The following AEBP1 variants were observed in gnomAD, a reference collection of about 807,000 sequenced individuals.
AEBP1 encodes adipocyte enhancer-binding protein 1.
Under a neutral mutation model 116.5 loss-of-function variants are expected in AEBP1, and 69 were observed. That is an observed-to-expected ratio of 0.59 (90% CI 0.49 to 0.72). AEBP1 has a LOEUF of 0.72. AEBP1 is among the 30% of genes least tolerant of loss of function. The probability of loss-of-function intolerance (pLI) is 0.00; values close to 1 mark genes in which losing one functional copy is unlikely to be tolerated. For missense variants in AEBP1, 1,444 were observed against 1,557.5 expected (o/e 0.93, Z 1.23); for synonymous variants, 627 against 627.3 (o/e 1.00, Z 0.01).
rs372902094 is a variant in AEBP1 at position 44,107,407 on chromosome 7, G to A, written c.596-32G>A. ...CCAAGGTGGTCAGAGCAGGCCTCCC[G>A]CCCACCTGCTTCTGGAACTCCTGTG... On this transcript the variant is annotated intron_variant, in intron 2 of 20. Transcript: ENST00000223357. The surrounding 1 kb of genome is among the most constrained non-coding windows in gnomAD (Gnocchi z 4.3). 2.4e-5 allele frequency: 38 copies of A among 1,611,096 alleles called. No homozygotes were observed. Among genetic ancestry groups the A allele is most frequent in the Non-Finnish European group, 3.0e-5 (35 of 1,178,410 alleles).
At chr7:44,105,359 T>G (rs2096221911) in intron 1 of AEBP1, among the ~76,000 whole-genome samples, 1 of 152,062 alleles carries the variant, frequency 6.6e-6, no homozygotes, top group Non-Finnish European at 1.5e-5. Flanking sequence ...TGAGAGAGTT[T>G]CAGGTGGTGG....
In AEBP1 at chr7:44,113,603, G is replaced by A; in HGVS notation, c.2819G>A (p.Gly940Asp). 4 of 1,611,068 alleles carry A rather than the reference G, an allele frequency of 2.5e-6. No homozygotes were observed. The highest frequency in any genetic ancestry group is 3.4e-6 in the Non-Finnish European group (4 of 1,179,418). Residue 940 changes from glycine to aspartate, a missense_variant, in exon 21 of 21, where the codon GGT becomes GAT. Coordinates refer to ENST00000223357, the MANE Select transcript of AEBP1 (RefSeq NM_001129.5). The surrounding 1 kb of genome is among the most constrained non-coding windows in gnomAD (Gnocchi z 5.3). ...CGTTCTCCCTCCGCAGCCAGTGGTG[G>A]TGATTACTGGCGAATCTTGAACCCG... ...INHGVKTASGGDYWRILNPGE... is the reference protein window; with the variant it reads ...INHGVKTASGDDYWRILNPGE...
rs116217830 is a variant in AEBP1, at chr7:44,107,302, C to T, written c.596-137C>T. On this transcript the variant is annotated intron_variant, in intron 2 of 20. Coordinates refer to ENST00000223357, the MANE Select transcript of AEBP1 (RefSeq NM_001129.5). This position sits in a 1 kb window ranked among gnomAD's most constrained non-coding sequence, Gnocchi z 4.3. The stretch of plus-strand genomic sequence containing the variant: ...TGCTGAAGGCCAGAGGAGCTCAGGC[C>T]TCCTTGGAGTGAGCTCGGCCTCAGG... The T allele has an allele frequency of 1.9e-3, 1,585 of 824,424 alleles. 16 individuals carry two copies. In the African/African-American group the frequency reaches 0.021, roughly 11 times the overall value. 51.1% of individuals were successfully genotyped at this position (824,424 alleles called of 1,614,324 possible). A position where few individuals can be genotyped will look rare whatever the true frequency, so the allele number is the denominator to read the frequency against.
intron 2 of AEBP1, 61 bp downstream of exon 2, chr7:44,106,948 G>A: frequency 7.5e-7 from 1 of 1,326,956 alleles, no homozygotes; most frequent in Non-Finnish European, 1.0e-6. Flanking sequence ...TGGAGGCAGG[G>A]AGTGGGAGGC....
In AEBP1 at chr7:44,112,808, A is replaced by C. The variant is rs1583555477; in HGVS notation, c.2468A>C (p.His823Pro). 1.9e-6 allele frequency: 3 copies of C among 1,612,286 alleles called. No homozygotes were observed. The highest frequency in any genetic ancestry group is 2.7e-5 in the African/African-American group (2 of 74,992). ...RWLAISFASA[H>P]LTLTEPYRGG... ...CTTGCCATCTCCTTCGCCTCCGCAC[A>C]CCTCACCTTGACCGAGCCCTACCGC... Residue 823 changes from histidine to proline, a missense_variant, in exon 18 of 21, where the codon CAC (histidine) becomes CCC (proline). Transcript: ENST00000223357. This position sits in a 1 kb window ranked among gnomAD's most constrained non-coding sequence, Gnocchi z 6.6.
chr7:44,111,944 G>C lies in AEBP1; in HGVS notation c.1931G>C (p.Arg644Pro), dbSNP rs375474488. The C allele has an allele frequency of 6.2e-7, 1 of 1,613,776 alleles. No homozygotes were observed. The highest frequency in any genetic ancestry group is 8.5e-7 in the Non-Finnish European group (1 of 1,180,040). Residue 644 changes from arginine (R) to proline (P), a missense_variant, in exon 16 of 21, where the codon CGA becomes CCA. Arg to Pro is a moderately radical substitution (Grantham distance 103). Transcript: ENST00000223357. This position sits in a 1 kb window ranked among gnomAD's most constrained non-coding sequence, Gnocchi z 4.7. ...LLLLLMQYLCREYRDGNPRVR... is the reference protein window; with the variant it reads ...LLLLLMQYLCPEYRDGNPRVR... ...CTGCTGCTCATGCAGTACCTGTGCC[G>C]AGAGTACCGCGATGGGAACCCACGT...
intron 1 of AEBP1, 22 bp downstream of exon 1, chr7:44,104,940 G>A (rs1157446655): frequency 7.3e-6 from 11 of 1,507,022 alleles, no homozygotes; most frequent in Non-Finnish European, 9.8e-6. Flanking sequence ...GGGCAGGGCG[G>A]GGGTGTGGGG....
Position 44,112,636 on chromosome 7 carries a change from G to C in AEBP1, c.2296G>C (p.Glu766Gln), listed in dbSNP as rs201912634. 1.1e-5 allele frequency: 18 copies of C among 1,611,288 alleles called. No homozygotes were observed. The highest frequency in any genetic ancestry group is 1.5e-5 in the Non-Finnish European group (18 of 1,178,326). Residue 766 changes from glutamate (E) to glutamine (Q), a missense_variant, in exon 18 of 21, where the codon GAG (glutamate) becomes CAG (glutamine). Glu to Gln is a conservative substitution (Grantham distance 29, BLOSUM62 2). Transcript: ENST00000223357. The surrounding 1 kb of genome is among the most constrained non-coding windows in gnomAD (Gnocchi z 6.6). ...FVLGANLNGG[E>Q]RLVSYPYDMA... ...GCTGGGAGCAAATCTGAACGGCGGC[G>C]AGCGGCTAGTATCCTACCCCTACGA... is the stretch of plus-strand genomic sequence containing the variant.
Position 44,113,518 on chromosome 7 carries a change from TGG to T in AEBP1, c.2810-72_2810-71del. ...GGAACTCAGAGGGGGAGGGCGGGGC[TGG>T]GGGCAGGACTGAGTGGGAGGGTGGG... On this transcript the variant is annotated intron_variant, in intron 20 of 20. Transcript: ENST00000223357. This position sits in a 1 kb window ranked among gnomAD's most constrained non-coding sequence, Gnocchi z 5.3. 2 of 782,652 alleles carry T rather than the reference TGG, an allele frequency of 2.6e-6. No homozygotes were observed. Among genetic ancestry groups the T allele is most frequent in the Non-Finnish European group, 3.2e-6 (2 of 615,798 alleles). 48.5% of individuals were successfully genotyped at this position (782,652 alleles called of 1,614,324 possible). A position where few individuals can be genotyped will look rare whatever the true frequency, so the allele number is the denominator to read the frequency against.
Position 44,113,533 on chromosome 7 carries a change from GTGGGAGGGTGGGGGCC to G in AEBP1, c.2810-52_2810-37del, listed in dbSNP as rs1368731205. 68 of 1,476,168 alleles carry G rather than the reference GTGGGAGGGTGGGGGCC, an allele frequency of 4.6e-5. No individual in the cohort carries two copies. The highest frequency in any genetic ancestry group is 1.8e-4 in the Admixed American group (9 of 49,326). 91.4% of individuals were successfully genotyped at this position (1,476,168 alleles called of 1,614,324 possible). On this transcript the variant is annotated intron_variant, in intron 20 of 20. Coordinates refer to ENST00000223357, the MANE Select transcript of AEBP1 (RefSeq NM_001129.5). The surrounding 1 kb of genome is among the most constrained non-coding windows in gnomAD (Gnocchi z 5.3). ...AGGGCGGGGCTGGGGGCAGGACTGAGTGGGAGGGTGGGGGCCTGGGAGGGGCGCTCTGGGGCAGCCG... is the reference window on the plus strand; with the variant it reads ...AGGGCGGGGCTGGGGGCAGGACTGAGTGGGAGGGGCGCTCTGGGGCAGCCG...
At position 44,114,291 on chromosome 7, in the gene AEBP1, A is replaced by G. The variant is rs1465333756; in HGVS notation, c.*30A>G. On this transcript the variant is annotated 3_prime_UTR_variant, in exon 21 of 21. Transcript: ENST00000223357. Reference sequence around the variant, plus strand: ...AGCGTCCTACCAAGACCCCAGCCCAACTCAAGCTACAGCAGCAGCACTTCC... The same window carrying G: ...AGCGTCCTACCAAGACCCCAGCCCAGCTCAAGCTACAGCAGCAGCACTTCC... The G allele has an allele frequency of 1.2e-6, 2 of 1,608,964 alleles. No individual in the cohort carries two copies. The highest frequency in any genetic ancestry group is 1.1e-5 in the South Asian group (1 of 90,964).
In AEBP1 at chr7:44,113,893, C is replaced by T. The variant is rs756077372; in HGVS notation, c.3109C>T (p.Arg1037Cys). ...GCTTCGGGCACAGATGCGGCTGCGGCGCCTCAACGCCACCACCACCCTAGG... is the reference window on the plus strand; with the variant it reads ...GCTTCGGGCACAGATGCGGCTGCGGTGCCTCAACGCCACCACCACCCTAGG... ...LRLRAQMRLR[R>C]LNATTTLGPH... The change falls in exon 21 of 21, where the codon CGC becomes TGC. Residue 1037 changes from arginine (R) to cysteine (C), a missense_variant. Arg to Cys is a radical substitution (Grantham distance 180). Coordinates refer to ENST00000223357, the MANE Select transcript of AEBP1 (RefSeq NM_001129.5). This position sits in a 1 kb window ranked among gnomAD's most constrained non-coding sequence, Gnocchi z 5.3. 1.9e-6 allele frequency: 3 copies of T among 1,613,158 alleles called. No individual in the cohort carries two copies. Among genetic ancestry groups the T allele is most frequent in the South Asian group, 2.2e-5 (2 of 91,064 alleles).
At position 44,106,797 on chromosome 7, in the gene AEBP1, AG is replaced by A; in HGVS notation, c.507del (p.Arg169SerfsTer123). The A allele has an allele frequency of 1.9e-6, 3 of 1,610,872 alleles. No homozygotes were observed. The highest frequency in any genetic ancestry group is 2.5e-6 in the Non-Finnish European group (3 of 1,179,110). On this transcript the variant is annotated frameshift_variant, in exon 2 of 21. Transcript: ENST00000223357. LOFTEE classifies it high-confidence loss of function. ...CACCAAGAAGCCCCCGTCAGGGAAGAGGCCCCCCATTCTGGCTCCCTCAGAA... is the reference window on the plus strand; with the variant it reads ...CACCAAGAAGCCCCCGTCAGGGAAGAGCCCCCCATTCTGGCTCCCTCAGAA... ...KATKKPPSGK[R>X]PPILAPSETL...
chr7:44,113,487 G>A lies in AEBP1; in HGVS notation c.2810-107G>A. ...AATTCAGAGAGGGAGGGCGGTGCTG[G>A]GGGCGGGAACTCAGAGGGGGAGGGC... On this transcript the variant is annotated intron_variant, in intron 20 of 20. Transcript: ENST00000223357. The surrounding 1 kb of genome is among the most constrained non-coding windows in gnomAD (Gnocchi z 5.3). 2.9e-6 allele frequency: 4 copies of A among 1,370,526 alleles called. No homozygotes were observed. The highest frequency in any genetic ancestry group is 2.4e-4 in the Middle Eastern group (1 of 4,222). The allele number at this position is 1,370,526 out of a possible 1,614,324, so 84.9% of individuals were successfully genotyped here.
chr7:44,113,544 G>C lies in AEBP1; in HGVS notation c.2810-50G>C, dbSNP rs2128809450. On this transcript the variant is annotated intron_variant, in intron 20 of 20. Coordinates refer to ENST00000223357, the MANE Select transcript of AEBP1 (RefSeq NM_001129.5). The surrounding 1 kb of genome is among the most constrained non-coding windows in gnomAD (Gnocchi z 5.3). ...GGGGGCAGGACTGAGTGGGAGGGTG[G>C]GGGCCTGGGAGGGGCGCTCTGGGGC... is the stretch of plus-strand genomic sequence containing the variant. 1 of 1,523,418 alleles carries C rather than the reference G, an allele frequency of 6.6e-7. No homozygotes were observed. Among genetic ancestry groups the C allele is most frequent in the Admixed American group, 1.9e-5 (1 of 53,632 alleles). The allele number at this position is 1,523,418 out of a possible 1,614,324, so 94.4% of individuals were successfully genotyped here. A position where few individuals can be genotyped will look rare whatever the true frequency, so the allele number is the denominator to read the frequency against.
At position 44,106,559 on chromosome 7, in the gene AEBP1, G is replaced by C. The variant is rs139078339; in HGVS notation, c.267G>C (p.Lys89Asn). The C allele has an allele frequency of 4.6e-4, 741 of 1,600,674 alleles. 1 individual carries two copies. The highest frequency in any genetic ancestry group is 5.8e-4 in the Non-Finnish European group (684 of 1,175,618). The change falls in exon 2 of 21, where the codon AAG becomes AAC. Residue 89 changes from lysine to asparagine, a missense_variant. Coordinates refer to ENST00000223357, the MANE Select transcript of AEBP1 (RefSeq NM_001129.5). ...CATCTTGGACAGTGCCTCCGGAAAA[G>C]ACCAAAGACAAAGGGAAGAAAGGCA... is the stretch of plus-strand genomic sequence containing the variant. ...PGTAAEVPPE[K>N]TKDKGKKGKK... is the part of the protein sequence containing the mutation.
At position 44,108,787 on chromosome 7, in the gene AEBP1, C is replaced by T; in HGVS notation, c.941-112C>T. On this transcript the variant is annotated intron_variant, in intron 6 of 20. Transcript: ENST00000223357. This position sits in a 1 kb window ranked among gnomAD's most constrained non-coding sequence, Gnocchi z 5.0. Reference sequence around the variant, plus strand: ...CTCCCAACTCAGCTGTCCCCCATCTCCCGTCCTCCTCCCCTCTGGCGCGGT... The same window carrying T: ...CTCCCAACTCAGCTGTCCCCCATCTTCCGTCCTCCTCCCCTCTGGCGCGGT... The T allele has an allele frequency of 1.0e-6, 1 of 961,754 alleles. No homozygotes were observed. Among genetic ancestry groups the T allele is most frequent in the Non-Finnish European group, 1.6e-6 (1 of 632,174 alleles). The allele number at this position is 961,754 out of a possible 1,614,324, so 59.6% of individuals were successfully genotyped here.
chr7:44,104,378 G>A lies in AEBP1; in HGVS notation c.-288G>A. The A allele has an allele frequency of 3.6e-6, 1 of 277,596 alleles. No homozygotes were observed. The highest frequency in any genetic ancestry group is 6.7e-6 in the Non-Finnish European group (1 of 149,348). 17.2% of individuals were successfully genotyped at this position (277,596 alleles called of 1,614,324 possible). A position where few individuals can be genotyped will look rare whatever the true frequency, so the allele number is the denominator to read the frequency against. ...TTTGGAGACGGCTATCCGCGCGGGA[G>A]TGCGCCACGCGGGGCCGGAGCGCCT... is the stretch of plus-strand genomic sequence containing the variant. On this transcript the variant is annotated 5_prime_UTR_variant, in exon 1 of 21. The change creates a new upstream start codon in the 5' untranslated region. Coordinates refer to ENST00000223357, the MANE Select transcript of AEBP1 (RefSeq NM_001129.5).
rs1348448765 is a variant in AEBP1 at position 44,110,249 on chromosome 7, G to A, written c.1303G>A (p.Ala435Thr). The A allele has an allele frequency of 1.7e-5, 28 of 1,613,686 alleles. No individual in the cohort carries two copies. The highest frequency in any genetic ancestry group is 2.2e-5 in the Non-Finnish European group (26 of 1,180,032). Reference protein sequence around the residue: ...EDDYYDGAWCAEDDARTQWIE... With the variant: ...EDDYYDGAWCTEDDARTQWIE... ...CGACTACTATGATGGTGCGTGGTGT[G>A]CCGAGGACGATGCCAGGACCCAGTG... Residue 435 changes from alanine (A) to threonine (T), a missense_variant, in exon 11 of 21, where the codon GCC becomes ACC. Coordinates refer to ENST00000223357, the MANE Select transcript of AEBP1 (RefSeq NM_001129.5).
Sources: allele counts gnomAD v4.1 joint callset (sites outside exome capture counted in the v4.1 genomes callset), GRCh38; gene constraint gnomAD v4.1.1; non-coding constraint Gnocchi (gnomAD v3.1); transcripts MANE v1.5; gene names NCBI Gene and HGNC (gene_info 2026-07-23, HGNC 2026-07-21).